The following SDAD1 variants were observed in gnomAD, a reference collection of about 807,000 sequenced individuals.
The protein encoded by SDAD1 is SDA1 domain containing 1.
In SDAD1, 79 loss-of-function variants were observed where a neutral mutation model predicts 100.3. The ratio of observed to expected loss-of-function variants is 0.79; its 90% CI spans 0.66 to 0.95. The LOEUF (loss-of-function observed/expected upper bound fraction) is 0.95, where lower values mean the gene tolerates loss of function less well. Among genes scored for constraint, SDAD1 ranks in the 40% least tolerant of loss-of-function variants. The pLI is 0.00. For synonymous variants in SDAD1, 267 were observed against 271.4 expected (o/e 0.98, Z 0.16); for missense variants, 790 against 810.9 (o/e 0.97, Z 0.31).
Position 75,957,504 on chromosome 4 carries a change from A to G in SDAD1, c.1769+14T>C, listed in dbSNP as rs777191579. 1 of 1,613,036 alleles carries G rather than the reference A, an allele frequency of 6.2e-7. No individual in the cohort carries two copies. Among genetic ancestry groups the G allele is most frequent in the Non-Finnish European group, 8.5e-7 (1 of 1,179,076 alleles). ...TGAGCTGACTGAAGTACTAAAGTGG[A>G]TGTGCCATTTTACCTGGGCTCTTCA... On this transcript the variant is annotated intron_variant, in intron 19 of 21. Transcript: ENST00000356260.
At chr4:75,971,523 C>T in intron 8 of SDAD1, 65 bp from the exon 9 acceptor site, 3 of 1,158,302 alleles carry the variant, frequency 2.6e-6, no homozygotes, top group Admixed American at 1.8e-5. Flanking sequence ...AAAGAGTAAA[C>T]CTTTCAGCCA....
At chr4:75,990,559 G>T in intron 1 of SDAD1, 193 bp downstream of exon 1, 2 of 1,180,412 alleles carry the variant, frequency 1.7e-6, no homozygotes, top group Non-Finnish European at 2.4e-6. Context: ...AGGGGCAACA[G>T]ATTTTCAAGA....
At chr4:75,966,203 C>T (rs566259867) in intron 12 of SDAD1, among the ~76,000 whole-genome samples, 16 of 151,256 alleles carry the variant, frequency 1.1e-4, no homozygotes, top group Admixed American at 7.3e-4. Flanking sequence ...CTGTGGAATT[C>T]GTACTGTCTT....
rs773787252 is a variant in SDAD1 at position 75,967,328 on chromosome 4, G to A, written c.994C>T (p.Leu332Phe). The A allele has an allele frequency of 1.9e-6, 3 of 1,613,944 alleles. No homozygotes were observed. The African/African-American group carries it at 4.0e-5, about 22-fold the overall frequency. Residue 332 changes from leucine (L) to phenylalanine (F), a missense_variant, in exon 12 of 22, where the codon CTC becomes TTC. Leu to Phe is a conservative substitution (Grantham distance 22, BLOSUM62 0). Transcript: ENST00000356260. ...SRLVGIHELF[L>F]FNFYPFLQRF... ...TGCAAAAAGGGATAGAAATTGAAGA[G>A]GAAAAGCTGTGGAGAGAAAACCGAC...
chr4:75,964,789 G>T (rs192883002), intron 13 of SDAD1, among the ~76,000 whole-genome samples: 23 of 152,272 alleles, frequency 1.5e-4, no homozygotes, highest in Non-Finnish European at 2.8e-4. Flanking sequence ...TGTCTTTGCT[G>T]CAATCTCTGA....
intron 1 of SDAD1, among the ~76,000 whole-genome samples, chr4:75,990,532 G>A (rs926189823): frequency 6.6e-6 from 1 of 152,184 alleles, no homozygotes; most frequent in Non-Finnish European, 1.5e-5. Context: ...CGGCAGCAGG[G>A]CAGGTAGAAA....
chr4:75,977,820 G>T, intron 3 of SDAD1, 64 bp from the exon 4 acceptor site: 1 of 942,828 alleles, frequency 1.1e-6, no homozygotes. Context: ...AAAATACAGC[G>T]TATATGTCCC....
chr4:75,982,798 CT>C (rs1730618511), intron 1 of SDAD1, among the ~76,000 whole-genome samples: 1 of 151,844 alleles, frequency 6.6e-6, no homozygotes, highest in African/African-American at 2.4e-5. Context: ...ACTGCCACCC[CT>C]TTTTAAAAAT....
chr4:75,972,649 ATT>A (rs33999037), intron 8 of SDAD1, among the ~76,000 whole-genome samples: 1 of 143,840 alleles, frequency 7.0e-6, no homozygotes, highest in African/African-American at 2.5e-5. Context: ...GGGAAGGATA[ATT>A]TTTTTTTTTT....
At chr4:75,970,149 G>A (rs1729782639) in intron 10 of SDAD1, among the ~76,000 whole-genome samples, 160 bp downstream of exon 10, 1 of 152,128 alleles carries the variant, frequency 6.6e-6, no homozygotes, top group East Asian at 1.9e-4. Flanking sequence ...CACTGCTTTA[G>A]ATGACAATTT....
chr4:75,950,743 C>T lies in SDAD1; in HGVS notation c.*7G>A. ...ATTCTTCTAGGAATGGAAAACTTGC[C>T]AGGAAGTTACTTCATTCTTTTTCTC... On this transcript the variant is annotated 3_prime_UTR_variant, in exon 22 of 22. Coordinates refer to ENST00000356260, the MANE Select transcript of SDAD1 (RefSeq NM_018115.4). The T allele has an allele frequency of 6.3e-7, 1 of 1,579,416 alleles. No homozygotes were observed. The highest frequency in any genetic ancestry group is 8.7e-7 in the Non-Finnish European group (1 of 1,153,700).
chr4:75,957,962 C>T, intron 17 of SDAD1, 21 bp from the exon 18 acceptor site: 1 of 1,582,126 alleles, frequency 6.3e-7, no homozygotes, highest in Non-Finnish European at 8.7e-7. Flanking sequence ...AAAGCAAACC[C>T]ACTACTGCCA....
chr4:75,964,369 A>C (rs1729419794), intron 13 of SDAD1, among the ~76,000 whole-genome samples, 158 bp from the exon 14 acceptor site: 1 of 152,224 alleles, frequency 6.6e-6, no homozygotes, highest in Non-Finnish European at 1.5e-5. Context: ...GACAGAAGAA[A>C]ACACTCCACT....
intron 2 of SDAD1, 142 bp from the exon 3 acceptor site, chr4:75,981,612 T>C: frequency 7.2e-7 from 1 of 1,387,768 alleles, no homozygotes; most frequent in Non-Finnish European, 9.9e-7. Context: ...TTCTTTTCCT[T>C]CTACATGTTA....
intron 21 of SDAD1, among the ~76,000 whole-genome samples, chr4:75,953,640 T>C (rs1238281693): frequency 6.6e-6 from 1 of 152,242 alleles, no homozygotes; most frequent in East Asian, 1.9e-4. Context: ...GGTACCTTAA[T>C]TCAGTGAATA....
In SDAD1 at chr4:75,975,939, G is replaced by T; in HGVS notation, c.462C>A (p.Asn154Lys). ...DIKNINAKHKNNKVNVVLQNF... is the reference protein window; with the variant it reads ...DIKNINAKHKKNKVNVVLQNF... ...GAGTACTTACTACATTCACTTTATT[G>T]TTCTTGTGTTTTGCATTTATATTCT... Residue 154 changes from asparagine (N) to lysine (K), a missense_variant, in exon 5 of 22, where the codon AAC (asparagine) becomes AAA (lysine). Coordinates refer to ENST00000356260, the MANE Select transcript of SDAD1 (RefSeq NM_018115.4). 3 of 1,605,164 alleles carry T rather than the reference G, an allele frequency of 1.9e-6. No homozygotes were observed. Among genetic ancestry groups the T allele is most frequent in the African/African-American group, 1.3e-5 (1 of 74,794 alleles).
In SDAD1 at chr4:75,977,542, G is replaced by C. The variant is rs368328739; in HGVS notation, c.405+104C>G. On this transcript the variant is annotated intron_variant, in intron 4 of 21. Coordinates refer to ENST00000356260, the MANE Select transcript of SDAD1 (RefSeq NM_018115.4). ...ATGCACACAATGGTTGCTTTTTCCT[G>C]TTAAAGTTATTATTAACAATGTAAA... 47 of 782,058 alleles carry C rather than the reference G, an allele frequency of 6.0e-5. No homozygotes were observed. In the African/African-American group the frequency reaches 7.3e-4, roughly 12 times the overall value. 48.4% of individuals were successfully genotyped at this position (782,058 alleles called of 1,614,324 possible).
At chr4:75,988,029 T>C (rs1371888953) in intron 1 of SDAD1, among the ~76,000 whole-genome samples, 1 of 152,154 alleles carries the variant, frequency 6.6e-6, no homozygotes, top group Admixed American at 6.5e-5. Context: ...GGGCTTTCTC[T>C]ACCTACCCAA....
At chr4:75,987,903 T>C (rs974939767) in intron 1 of SDAD1, among the ~76,000 whole-genome samples, 1 of 152,218 alleles carries the variant, frequency 6.6e-6, no homozygotes, top group South Asian at 2.1e-4. Context: ...GAACATCTTC[T>C]ATACTTGGCT....
Sources: allele counts gnomAD v4.1 joint callset (sites outside exome capture counted in the v4.1 genomes callset), GRCh38; gene constraint gnomAD v4.1.1; transcripts MANE v1.5; gene names NCBI Gene and HGNC (gene_info 2026-07-23, HGNC 2026-07-21).